The following TRIOBP variants were observed in gnomAD, a reference collection of about 807,000 sequenced individuals.
TRIOBP encodes TRIO and F-actin-binding protein.
In TRIOBP, 169 loss-of-function variants were observed where a neutral mutation model predicts 238.8. The ratio of observed to expected loss-of-function variants is 0.71; its 90% CI spans 0.62 to 0.80. The LOEUF (loss-of-function observed/expected upper bound fraction) is 0.80, where lower values mean the gene tolerates loss of function less well. Ranked by LOEUF, TRIOBP falls within the 30% of genes least tolerant of loss-of-function variation. TRIOBP has a pLI of 0.00. For missense variants in TRIOBP, 2,838 were observed against 3,122.6 expected (o/e 0.91, Z 2.17); for synonymous variants, 1,150 against 1,274.4 (o/e 0.90, Z 2.08).
At chr22:37,728,342 C>T (rs1924277668) in intron 7 of TRIOBP, among the ~76,000 whole-genome samples, 1 of 151,312 alleles carries the variant, frequency 6.6e-6, no homozygotes, top group South Asian at 2.1e-4. Context: ...GCTGAGGCAG[C>T]AGTATTGCCT....
At chr22:37,741,874 G>A (rs1247763074) in intron 11 of TRIOBP, among the ~76,000 whole-genome samples, 1 of 152,238 alleles carries the variant, frequency 6.6e-6, no homozygotes, top group Non-Finnish European at 1.5e-5. Context: ...ACTCAGGGCT[G>A]CAGAGAGGGC....
Position 37,765,820 on chromosome 22 carries a change from A to G in TRIOBP, c.6472+3A>G, listed in dbSNP as rs749558712. 1 of 1,522,940 alleles carries G rather than the reference A, an allele frequency of 6.6e-7. No homozygotes were observed. The highest frequency in any genetic ancestry group is 8.7e-7 in the Non-Finnish European group (1 of 1,147,546). 94.3% of individuals were successfully genotyped at this position (1,522,940 alleles called of 1,614,324 possible). On this transcript the variant is annotated splice_donor_region_variant and intron_variant, in intron 18 of 23. Transcript: ENST00000644935. ...GGAGACGGCAGCCACGGCCTCAGGT[A>G]TGGACCCTGGGGGGGGCACAGTGGG...
chr22:37,726,511 C>T lies in TRIOBP; in HGVS notation c.3947+8C>T, dbSNP rs770604136. The T allele has an allele frequency of 5.5e-5, 82 of 1,479,238 alleles. No individual in the cohort carries two copies. Among genetic ancestry groups the T allele is most frequent in the Admixed American group, 3.1e-4 (13 of 41,986 alleles). 91.6% of individuals were successfully genotyped at this position (1,479,238 alleles called of 1,614,324 possible). ...CTTCGGGCAAGAGCGCAGGTGAGCC[C>T]GGGGGTGGGGTCAGCCAGGTGGGCT... On this transcript the variant is annotated splice_region_variant and intron_variant, in intron 7 of 23. Transcript: ENST00000644935.
chr22:37,719,989 C>CACACTGCCCTCACTGTTTCACTCAT lies in TRIOBP; in HGVS notation c.629-3196_629-3195insACACTGCCCTCACTGTTTCACTCAT, dbSNP rs367687004. Among the ~76,000 whole-genome samples the CACACTGCCCTCACTGTTTCACTCAT allele has an allele frequency of 2.5e-4, 18 of 71,266 alleles. 7 individuals are homozygous for CACACTGCCCTCACTGTTTCACTCAT. The highest frequency in any genetic ancestry group is 3.3e-4 in the Non-Finnish European group (13 of 39,500). The allele number at this position is 71,266 out of a possible 152,430, so 46.8% of individuals were successfully genotyped here. ...ACACTGCACTCACTGTTTCACTCAT[C>CACACTGCCCTCACTGTTTCACTCAT]CCCCCCCGCCCTTTTTTTTTTTTTT... On this transcript the variant is annotated intron_variant, in intron 6 of 23. Coordinates refer to ENST00000644935, the MANE Select transcript of TRIOBP (RefSeq NM_001039141.3).
rs754231869 is a variant in TRIOBP at position 37,723,334 on chromosome 22, TCTC to T, written c.781_783del (p.Pro261del). 2.5e-6 allele frequency: 4 copies of T among 1,613,798 alleles called. No individual in the cohort carries two copies. Among genetic ancestry groups the T allele is most frequent in the South Asian group, 2.2e-5 (2 of 91,080 alleles). Reference sequence around the variant, plus strand: ...ACCTCGAAGCACCACGTCTCAGGCTTCTCCTGCCCAAAGGGACACTGCTCAGGC... The same window carrying T: ...ACCTCGAAGCACCACGTCTCAGGCTTCTGCCCAAAGGGACACTGCTCAGGC... On this transcript the variant is annotated inframe_deletion, in exon 7 of 24. Transcript: ENST00000644935.
At chr22:37,718,215 G>T (rs1394484238) in intron 6 of TRIOBP, among the ~76,000 whole-genome samples, 1 of 152,216 alleles carries the variant, frequency 6.6e-6, no homozygotes, top group African/African-American at 2.4e-5. Flanking sequence ...TCCCGCTCGC[G>T]CCTCTCCCTC....
intron 6 of TRIOBP, among the ~76,000 whole-genome samples, chr22:37,720,924 C>G (rs964200183): frequency 2.0e-5 from 3 of 152,176 alleles, no homozygotes; most frequent in Admixed American, 2.0e-4. Context: ...GTGGCCAGAT[C>G]TCAGCTCACT....
chr22:37,746,484 C>T (rs1925278216), intron 11 of TRIOBP: 1 of 1,304,724 alleles, frequency 7.7e-7, no homozygotes. Context: ...CGAGGCAGAG[C>T]CCAGCCTCTC....
Position 37,735,004 on chromosome 22 carries a change from G to A in TRIOBP, c.4668G>A (p.Glu1556=). 6.2e-7 allele frequency: 1 copy of A among 1,613,180 alleles called. No individual in the cohort carries two copies. ...PYPRGSERRP[E]LDWRDLLGLL... ...CGCGTGGCTCTGAGAGGCGACCCGAGCTTGACTGGAGGGATCTGCTTGGCC... is the reference window on the plus strand; with the variant it reads ...CGCGTGGCTCTGAGAGGCGACCCGAACTTGACTGGAGGGATCTGCTTGGCC... The change falls in exon 9 of 24, where the codon GAG becomes GAA. Residue 1556 remains glutamate, a synonymous_variant. Coordinates refer to ENST00000644935, the MANE Select transcript of TRIOBP (RefSeq NM_001039141.3).
At chr22:37,728,260 T>TG (rs1924271469) in intron 7 of TRIOBP, among the ~76,000 whole-genome samples, 1 of 29,440 alleles carries the variant, frequency 3.4e-5, no homozygotes, top group African/African-American at 9.6e-5. Context: ...AGACTCCGTC[T>TG]CAAAAAAAAA....
rs749246274 is a variant in TRIOBP, at chr22:37,726,443, G to A, written c.3887G>A (p.Gly1296Glu). ...GGGCCCCAGGCGCAGTGCAGCAGCGGGGGCCGCACCCACAGCCCTGGCCGT... is the reference window on the plus strand; with the variant it reads ...GGGCCCCAGGCGCAGTGCAGCAGCGAGGGCCGCACCCACAGCCCTGGCCGT... ...QPGPQAQCSS[G>E]GRTHSPGRAE... Residue 1296 changes from glycine to glutamate, a missense_variant, in exon 7 of 24, where the codon GGG becomes GAG. By Grantham distance (98) the Gly-to-Glu change is moderately conservative (BLOSUM62 -2). Coordinates refer to ENST00000644935, the MANE Select transcript of TRIOBP (RefSeq NM_001039141.3). 6.3e-6 allele frequency: 10 copies of A among 1,576,432 alleles called. No homozygotes were observed. Among genetic ancestry groups the A allele is most frequent in the Non-Finnish European group, 8.6e-6 (10 of 1,164,676 alleles).
At chr22:37,771,133 T>G (rs1428253810) in intron 21 of TRIOBP, among the ~76,000 whole-genome samples, 1 of 152,214 alleles carries the variant, frequency 6.6e-6, no homozygotes, top group African/African-American at 2.4e-5. Flanking sequence ...ATGAGGAAAC[T>G]GAGGCACAGG....
At chr22:37,700,266 A>ATTTTT in intron 2 of TRIOBP, among the ~76,000 whole-genome samples, 1 of 134,528 alleles carries the variant, frequency 7.4e-6, no homozygotes, top group East Asian at 2.2e-4. Context: ...GGGAATCTAG[A>ATTTTT]TTTTTTTTTT....
At chr22:37,772,887 A>T in intron 23 of TRIOBP, 123 bp downstream of exon 23, 1 of 1,254,690 alleles carries the variant, frequency 8.0e-7, no homozygotes, top group Non-Finnish European at 1.1e-6. Flanking sequence ...CCGTTCTGTA[A>T]AAAGGACAAT....
In TRIOBP at chr22:37,758,000, G is replaced by A. The variant is rs759511906; in HGVS notation, c.6075G>A (p.Glu2025=). Reference sequence around the variant, plus strand: ...ACCAGCAAAACCGGCTTAGTGAGGAGATCGAGAAGAAGTGGCAGGAGCTGG... The same window carrying A: ...ACCAGCAAAACCGGCTTAGTGAGGAAATCGAGAAGAAGTGGCAGGAGCTGG... The part of the protein sequence containing the change: ...TEDQQNRLSE[E]IEKKWQELEK... Residue 2025 remains glutamate, a synonymous_variant, in exon 16 of 24, where the codon GAG becomes GAA. Coordinates refer to ENST00000644935, the MANE Select transcript of TRIOBP (RefSeq NM_001039141.3). 8.1e-6 allele frequency: 13 copies of A among 1,603,098 alleles called. No homozygotes were observed. In the South Asian group the frequency reaches 1.5e-4, roughly 18 times the overall value.
At chr22:37,766,641 C>A (rs995705486) in intron 18 of TRIOBP, among the ~76,000 whole-genome samples, 1 of 152,196 alleles carries the variant, frequency 6.6e-6, no homozygotes, top group Non-Finnish European at 1.5e-5. Flanking sequence ...GCCTCATGTC[C>A]GTTCAGGGTG....
chr22:37,710,409 T>C lies in TRIOBP; in HGVS notation c.115-18T>C. 1 of 1,612,980 alleles carries C rather than the reference T, an allele frequency of 6.2e-7. No homozygotes were observed. Among genetic ancestry groups the C allele is most frequent in the South Asian group, 1.1e-5 (1 of 91,072 alleles). ...CACGTGGGCGCTGAGCTGTCTCCTC[T>C]CTCCAACCCTGGCCCAGGAGCTCAG... On this transcript the variant is annotated intron_variant, in intron 3 of 23. Transcript: ENST00000644935.
chr22:37,707,810 C>T (rs543872955), intron 3 of TRIOBP, among the ~76,000 whole-genome samples: 2 of 151,170 alleles, frequency 1.3e-5, no homozygotes, highest in Admixed American at 6.6e-5. Flanking sequence ...GGTATGGTGG[C>T]GGACCCCTGT....
At chr22:37,713,945 A>T (rs1601623566) in intron 5 of TRIOBP, among the ~76,000 whole-genome samples, 1 of 152,190 alleles carries the variant, frequency 6.6e-6, no homozygotes. Flanking sequence ...GGCTTGTCCC[A>T]GGAGACCCCC....
Sources: allele counts gnomAD v4.1 joint callset (sites outside exome capture counted in the v4.1 genomes callset), GRCh38; gene constraint gnomAD v4.1.1; transcripts MANE v1.5; gene names NCBI Gene and HGNC (gene_info 2026-07-23, HGNC 2026-07-21).